The following WDR62 variants were observed in gnomAD, a reference collection of about 807,000 sequenced individuals.
WDR62 encodes WD repeat-containing protein 62.
Under a neutral mutation model 160.6 loss-of-function variants are expected in WDR62, and 112 were observed. The observed-to-expected ratio is 0.70, with a 90% CI of 0.60 to 0.82. The LOEUF is 0.82. Among genes scored for constraint, WDR62 ranks in the 40% least tolerant of loss-of-function variants. WDR62 has a pLI of 0.00. For missense variants in WDR62, 1,819 were observed against 1,983.8 expected (o/e 0.92, Z 1.58); for synonymous variants, 792 against 815.1 (o/e 0.97, Z 0.48).
At position 36,073,439 on chromosome 19, in the gene WDR62, C is replaced by A. The variant is rs370935391; in HGVS notation, c.1141C>A (p.His381Asn). ...HQWLSCVYKD[H>N]SIYIWDVKDI... ...GTGGCTGTCCTGCGTGTATAAGGAC[C>A]ACAGCATCTACATCTGGGATGTCAA... is the stretch of plus-strand genomic sequence containing the variant. The change falls in exon 9 of 32, where the codon CAC becomes AAC. Residue 381 changes from histidine to asparagine, a missense_variant. This residue lies in a region of WDR62 where 934 missense variants were observed against 1,157.2 expected (regional missense o/e 0.81). Coordinates refer to ENST00000401500, the MANE Select transcript of WDR62 (RefSeq NM_001083961.2). The A allele has an allele frequency of 4.3e-5, 69 of 1,614,000 alleles. No homozygotes were observed. Among genetic ancestry groups the A allele is most frequent in the Non-Finnish European group, 5.7e-5 (67 of 1,180,004 alleles).
chr19:36,094,173 A>G lies in WDR62; in HGVS notation c.2467+9A>G. ...AGATAGCTTGGATCCAGGTTGGAAAAGGGGCCCTATTTTGAACTATGTCAG... is the reference window on the plus strand; with the variant it reads ...AGATAGCTTGGATCCAGGTTGGAAAGGGGGCCCTATTTTGAACTATGTCAG... On this transcript the variant is annotated intron_variant, in intron 20 of 31. Transcript: ENST00000401500. The G allele has an allele frequency of 1.2e-6, 2 of 1,613,656 alleles. No individual in the cohort carries two copies. The highest frequency in any genetic ancestry group is 2.2e-5 in the East Asian group (1 of 44,822).
Position 36,103,032 on chromosome 19 carries a change from G to C in WDR62, c.3420G>C (p.Gln1140His). 1 of 1,614,144 alleles carries C rather than the reference G, an allele frequency of 6.2e-7. No homozygotes were observed. The highest frequency in any genetic ancestry group is 8.5e-7 in the Non-Finnish European group (1 of 1,180,024). The change falls in exon 28 of 32, where the codon CAG (glutamine) becomes CAC (histidine). Residue 1140 changes from glutamine (Q) to histidine (H), a missense_variant. By Grantham distance (24) the Gln-to-His change is conservative. Coordinates refer to ENST00000401500, the MANE Select transcript of WDR62 (RefSeq NM_001083961.2). ...AGCTCATGGACCGAGGCGGAAGCCAGCCCAGAGCAGGTACTGGCTACGCCT... is the reference window on the plus strand; with the variant it reads ...AGCTCATGGACCGAGGCGGAAGCCACCCCAGAGCAGGTACTGGCTACGCCT... ...EVKLMDRGGS[Q>H]PRAGTGYASP...
At chr19:36,077,166 C>T (rs930017976) in intron 9 of WDR62, among the ~76,000 whole-genome samples, 1 of 152,106 alleles carries the variant, frequency 6.6e-6, no homozygotes, top group African/African-American at 2.4e-5. Context: ...CAGTCCTCCC[C>T]ATTCCCCACT....
chr19:36,067,638 G>T (rs1007070925), intron 6 of WDR62, among the ~76,000 whole-genome samples, 190 bp from the exon 7 acceptor site: 1 of 152,236 alleles, frequency 6.6e-6, no homozygotes, highest in Admixed American at 6.5e-5. Flanking sequence ...CCTGACCCTG[G>T]GACCAGCTCT....
intron 9 of WDR62, among the ~76,000 whole-genome samples, chr19:36,078,833 CAAAA>C (rs748116998): frequency 1.5e-5 from 1 of 65,350 alleles, no homozygotes; most frequent in Non-Finnish European, 3.2e-5. Flanking sequence ...GAGACTCTGT[CAAAA>C]AAAAAAAAAA....
At chr19:36,058,433 C>T (rs1970475170) in intron 1 of WDR62, among the ~76,000 whole-genome samples, 1 of 152,230 alleles carries the variant, frequency 6.6e-6, no homozygotes, top group African/African-American at 2.4e-5. Flanking sequence ...CCCTGTGCTC[C>T]TAACCTCCTT....
downstream of WDR62, among the ~76,000 whole-genome samples, chr19:36,106,195 T>C (rs147038749): frequency 2.8e-3 from 422 of 151,862 alleles, 2 homozygotes; most frequent in Middle Eastern, 0.01. Flanking sequence ...CCACATGGGG[T>C]GTCTGCTAAA....
chr19:36,059,029 C>T, intron 2 of WDR62, 158 bp downstream of exon 2: 1 of 728,466 alleles, frequency 1.4e-6, no homozygotes, highest in South Asian at 1.5e-5. Flanking sequence ...TTCCATAGCC[C>T]CCTCTCTGTC....
At chr19:36,107,093 C>T (rs1973730565), downstream of WDR62, among the ~76,000 whole-genome samples, 1 of 152,214 alleles carries the variant, frequency 6.6e-6, no homozygotes, top group African/African-American at 2.4e-5. Context: ...AAGTCTTCTG[C>T]TCCAAGGAGT....
chr19:36,086,652 C>T, intron 12 of WDR62, 35 bp from the exon 13 acceptor site: 3 of 1,581,962 alleles, frequency 1.9e-6, no homozygotes, highest in South Asian at 2.3e-5. Context: ...ACCCACGCAG[C>T]CTTCAGGAAC....
intron 8 of WDR62, 44 bp downstream of exon 8, chr19:36,071,760 G>T (rs1401584791): frequency 3.1e-6 from 5 of 1,592,398 alleles, no homozygotes; most frequent in Non-Finnish European, 4.3e-6. Flanking sequence ...CCCACCCAGA[G>T]TCTGTCCACT....
rs770468497 is a variant in WDR62 at position 36,091,451 on chromosome 19, A to G, written c.2196A>G (p.Thr732=). ...KFTYDCHHLI[T]VSGDSCVFIW... is the part of the protein sequence containing the mutation. The stretch of plus-strand genomic sequence containing the variant: ...CCTATGACTGTCATCACTTGATCAC[A>G]GTATCTGGAGACAGGTGGGACATGG... Residue 732 remains threonine (T), a synonymous_variant, in exon 18 of 32, where the codon ACA becomes ACG. Coordinates refer to ENST00000401500, the MANE Select transcript of WDR62 (RefSeq NM_001083961.2). 4.3e-6 allele frequency: 7 copies of G among 1,614,050 alleles called. No individual in the cohort carries two copies. The East Asian group carries it at 1.3e-4, about 31-fold the overall frequency.
chr19:36,063,634 A>T (rs1214029810), intron 3 of WDR62, among the ~76,000 whole-genome samples: 1 of 152,118 alleles, frequency 6.6e-6, no homozygotes, highest in Non-Finnish European at 1.5e-5. Context: ...TCACGGGCAG[A>T]CTCAGGTTCT....
At chr19:36,077,991 A>G (rs1285504909) in intron 9 of WDR62, among the ~76,000 whole-genome samples, 1 of 152,180 alleles carries the variant, frequency 6.6e-6, no homozygotes. Context: ...ATGTTGTAGC[A>G]TGTGTCAGCA....
Position 36,101,206 on chromosome 19 carries a change from C to T in WDR62, c.2868-8C>T. 1 of 1,608,682 alleles carries T rather than the reference C, an allele frequency of 6.2e-7. No homozygotes were observed. Among genetic ancestry groups the T allele is most frequent in the South Asian group, 1.1e-5 (1 of 89,806 alleles). ...CTTGTTCCCTCTCTGCCCCCACTGG[C>T]ACTGCAGCCAGTATTGCAGGAAGGA... On this transcript the variant is annotated splice_region_variant and splice_polypyrimidine_tract_variant and intron_variant, in intron 23 of 31. Coordinates refer to ENST00000401500, the MANE Select transcript of WDR62 (RefSeq NM_001083961.2).
chr19:36,070,825 G>C (rs1013801764), intron 7 of WDR62: 3 of 152,414 alleles, frequency 2.0e-5, no homozygotes, highest in African/African-American at 7.2e-5. Flanking sequence ...TAGTAGGATA[G>C]ACAGTCCTTT....
At position 36,073,444 on chromosome 19, in the gene WDR62, C is replaced by T. The variant is rs765471842; in HGVS notation, c.1146C>T (p.Ser382=). ...QWLSCVYKDH[S]IYIWDVKDIN... is the part of the protein sequence containing the mutation. ...TGTCCTGCGTGTATAAGGACCACAG[C>T]ATCTACATCTGGGATGTCAAGGACA... The change falls in exon 9 of 32, where the codon AGC becomes AGT. Residue 382 remains serine, a synonymous_variant. Coordinates refer to ENST00000401500, the MANE Select transcript of WDR62 (RefSeq NM_001083961.2). 4 of 1,614,010 alleles carry T rather than the reference C, an allele frequency of 2.5e-6. No homozygotes were observed. The highest frequency in any genetic ancestry group is 2.5e-6 in the Non-Finnish European group (3 of 1,180,014).
chr19:36,102,629 C>T, intron 26 of WDR62, 108 bp from the exon 27 acceptor site: 1 of 894,150 alleles, frequency 1.1e-6, no homozygotes, highest in Non-Finnish European at 1.8e-6. Flanking sequence ...TACCCTGTGT[C>T]TGTACATAAG....
At chr19:36,070,239 A>G (rs564875888) in intron 7 of WDR62, 1 of 151,124 alleles carries the variant, frequency 6.6e-6, no homozygotes, top group Admixed American at 6.6e-5. Context: ...GCTCACTACA[A>G]GTTCCACCTC....
Sources: gnomAD v4.1 joint callset for allele counts (sites outside exome capture counted in the v4.1 genomes callset) on GRCh38, gnomAD v4.1.1 for gene constraint, gnomAD v4.1.1 regional missense constraint, MANE v1.5 for transcripts, NCBI Gene and HGNC (gene_info 2026-07-23, HGNC 2026-07-21) for gene names.